Variants in C10orf90 observed in about 807,000 individuals in gnomAD.
The protein encoded by C10orf90 is chromosome 10 open reading frame 90.
In C10orf90, 56 loss-of-function variants were observed where a neutral mutation model predicts 62.5. The ratio of observed to expected loss-of-function variants is 0.90; its 90% CI spans 0.72 to 1.12. C10orf90 has a LOEUF of 1.12. Among genes scored for constraint, C10orf90 ranks in the 50% most tolerant of loss-of-function variants. C10orf90 has a pLI of 0.00. For missense variants in C10orf90, 970 were observed against 880.4 expected, an observed-to-expected ratio of 1.10 and a Z score of -1.29; for synonymous variants, 386 against 340.4, an observed-to-expected ratio of 1.13 and a Z score of -1.47.
rs149941373 is a variant in C10orf90, at chr10:126,657,177, A to C, written c.241-10540T>G. ...ATTGTGGTAAAATATAAACTACATA[A>C]AATTCACCATTTAAATCATTTTCAA... is the stretch of plus-strand genomic sequence containing the variant. On this transcript the variant is annotated intron_variant, in intron 1 of 9. Transcript: ENST00000488181. 3.3e-5 allele frequency among the ~76,000 whole-genome samples: 5 copies of C among 152,292 alleles called. No individual in the cohort carries two copies. The East Asian group carries it at 9.7e-4, about 29-fold the overall frequency.
At chr10:126,652,727 T>C (rs1846315241) in intron 1 of C10orf90, among the ~76,000 whole-genome samples, 1 of 152,204 alleles carries the variant, frequency 6.6e-6, no homozygotes, top group Admixed American at 6.5e-5. Flanking sequence ...CTCCAAAATA[T>C]AGGCATGTTA....
In C10orf90 at chr10:126,664,344, G is replaced by A. The variant is rs183264611; in HGVS notation, c.240+5897C>T. Among the ~76,000 whole-genome samples, 449 of 152,282 alleles carry A rather than the reference G, an allele frequency of 2.9e-3. 3 individuals are homozygous for A. Among genetic ancestry groups the A allele is most frequent in the African/African-American group, 0.01 (428 of 41,558 alleles). ...CACCCAGGGGCCACTTCTTGGTGCC[G>A]TGGCTCTGTGTCACTTTCACGGGGT... On this transcript the variant is annotated intron_variant, in intron 1 of 9. Coordinates refer to ENST00000488181, the MANE Select transcript of C10orf90 (RefSeq NM_001350921.2).
chr10:126,511,586 A>T (rs1591045496), intron 3 of C10orf90, among the ~76,000 whole-genome samples: 1 of 151,236 alleles, frequency 6.6e-6, no homozygotes, highest in African/African-American at 2.4e-5. Context: ...TTAAAGGTGG[A>T]GTGGGTAAGT....
At chr10:126,579,255 ATTTC>A (rs200536716) in intron 2 of C10orf90, among the ~76,000 whole-genome samples, 24,161 of 136,452 alleles carry the variant, frequency 0.18, 2,588 homozygotes, top group African/African-American at 0.35. Flanking sequence ...ACAAATCTAT[ATTTC>A]TTTCTTTCTT....
chr10:126,459,274 G>A lies in C10orf90; in HGVS notation c.2011-57C>T, dbSNP rs563689292. On this transcript the variant is annotated intron_variant, in intron 6 of 9. Transcript: ENST00000488181. Reference sequence around the variant, plus strand: ...AAGAGCAGTGACACAGAAAGGCAACGCATCTGTCTGATGCAGCCAAGAAGC... The same window carrying A: ...AAGAGCAGTGACACAGAAAGGCAACACATCTGTCTGATGCAGCCAAGAAGC... 2.1e-4 allele frequency: 341 copies of A among 1,586,324 alleles called. 1 individual carries two copies. Among genetic ancestry groups the A allele is most frequent in the African/African-American group, 7.4e-4 (55 of 74,410 alleles).
chr10:126,653,066 C>T (rs975589433), intron 1 of C10orf90, among the ~76,000 whole-genome samples: 3 of 152,106 alleles, frequency 2.0e-5, no homozygotes, highest in African/African-American at 7.2e-5. Context: ...ACTGCTAAAA[C>T]AAAAATGCTA....
At chr10:126,541,534 A>T (rs1864377156) in intron 2 of C10orf90, among the ~76,000 whole-genome samples, 1 of 152,216 alleles carries the variant, frequency 6.6e-6, no homozygotes, top group South Asian at 2.1e-4. Flanking sequence ...AAATATGGGC[A>T]AAGAACTTCA....
At chr10:126,616,023 A>T (rs7078275) in intron 2 of C10orf90, among the ~76,000 whole-genome samples, 7,356 of 152,310 alleles carry the variant, frequency 0.048, 519 homozygotes, top group African/African-American at 0.16. Context: ...AATGGCTAGA[A>T]GTGGAGCTGA....
In C10orf90 at chr10:126,435,374, A is replaced by C. The variant is rs369726710; in HGVS notation, c.2189-5524T>G. On this transcript the variant is annotated intron_variant, in intron 7 of 9. Coordinates refer to ENST00000488181, the MANE Select transcript of C10orf90 (RefSeq NM_001350921.2). The stretch of plus-strand genomic sequence containing the variant: ...AGGGCTTCCTGGTTAAGGAAGGTAG[A>C]TCATTCTCTTGCACACAGAGACTTA... 4.6e-5 allele frequency among the ~76,000 whole-genome samples: 7 copies of C among 152,346 alleles called. No individual in the cohort carries two copies. The East Asian group carries it at 7.7e-4, about 17-fold the overall frequency.
chr10:126,433,727 A>G (rs1318474943), intron 7 of C10orf90, among the ~76,000 whole-genome samples: 1 of 151,938 alleles, frequency 6.6e-6, no homozygotes, highest in African/African-American at 2.4e-5. Flanking sequence ...AAAACAAAAC[A>G]AAACGAAAAC....
intron 7 of C10orf90, among the ~76,000 whole-genome samples, chr10:126,439,951 G>A (rs1297390528): frequency 1.3e-5 from 2 of 152,138 alleles, no homozygotes; most frequent in Non-Finnish European, 2.9e-5. Context: ...AGCATCACAG[G>A]AATCCTTTGG....
intron 6 of C10orf90, among the ~76,000 whole-genome samples, chr10:126,460,478 C>A (rs1173863175): frequency 6.6e-6 from 1 of 152,268 alleles, no homozygotes; most frequent in African/African-American, 2.4e-5. Flanking sequence ...TCCCTGGCAG[C>A]TACACTGGGG....
At chr10:126,543,805 G>C (rs1864429415) in intron 2 of C10orf90, among the ~76,000 whole-genome samples, 1 of 152,200 alleles carries the variant, frequency 6.6e-6, no homozygotes, top group Non-Finnish European at 1.5e-5. Flanking sequence ...TCAAGAAAAT[G>C]CTTTCTCAAA....
intron 2 of C10orf90, chr10:126,521,557 G>A: frequency 1.1e-6 from 1 of 941,598 alleles, no homozygotes; most frequent in Non-Finnish European, 1.5e-6. Context: ...CCCACCTTGT[G>A]ACATTTCTTG....
intron 2 of C10orf90, among the ~76,000 whole-genome samples, chr10:126,605,606 G>A (rs1038157417): frequency 3.9e-5 from 6 of 152,158 alleles, no homozygotes; most frequent in African/African-American, 1.4e-4. Flanking sequence ...CAGAGAATGT[G>A]GATCCAGCCT....
rs1247497907 is a variant in C10orf90 at position 126,526,465 on chromosome 10, C to T, written c.314-12526G>A. The stretch of plus-strand genomic sequence containing the variant: ...TTCACCGTGTTAGCCAGGATGGTCT[C>T]GATCTCCTGACCTCGTGATCCGCCC... On this transcript the variant is annotated intron_variant, in intron 2 of 9. Coordinates refer to ENST00000488181, the MANE Select transcript of C10orf90 (RefSeq NM_001350921.2). Among the ~76,000 whole-genome samples, 13 of 152,156 alleles carry T rather than the reference C, an allele frequency of 8.5e-5. 1 individual carries two copies. The South Asian group carries it at 2.3e-3, about 27-fold the overall frequency.
chr10:126,571,611 T>C (rs1475554115), intron 2 of C10orf90, among the ~76,000 whole-genome samples: 1 of 152,022 alleles, frequency 6.6e-6, no homozygotes, highest in Non-Finnish European at 1.5e-5. Context: ...GGCATTCATT[T>C]CTCCTCCTGG....
chr10:126,526,023 AACACACACACACACACAC>A (rs3040780), intron 2 of C10orf90, among the ~76,000 whole-genome samples: 9 of 139,034 alleles, frequency 6.5e-5, no homozygotes, highest in African/African-American at 1.9e-4. Context: ...CACCTGCCAC[AACACACACACACACACAC>A]ACACACACAC....
intron 2 of C10orf90, among the ~76,000 whole-genome samples, chr10:126,584,012 G>A (rs564858132): frequency 2.0e-5 from 3 of 152,078 alleles, no homozygotes; most frequent in East Asian, 1.9e-4. Context: ...CCCAGCTACC[G>A]GGGAGGCTGA....
Sources: allele counts gnomAD v4.1 joint callset (sites outside exome capture counted in the v4.1 genomes callset), GRCh38; gene constraint gnomAD v4.1.1; transcripts MANE v1.5; gene names NCBI Gene and HGNC (gene_info 2026-07-23, HGNC 2026-07-21).